Variants in TRAPPC6B observed in about 807,000 individuals in gnomAD.
TRAPPC6B encodes the protein TRAPP complex subunit 6B.
Under a neutral mutation model 24.7 loss-of-function variants are expected in TRAPPC6B, and 27 were observed. That is an observed-to-expected ratio of 1.09 (90% CI 0.81 to 1.51). The LOEUF (loss-of-function observed/expected upper bound fraction) is 1.51. TRAPPC6B is among the 40% of genes most tolerant of loss of function. TRAPPC6B has a pLI of 0.00. For missense variants in TRAPPC6B, 212 were observed against 190.8 expected (o/e 1.11, Z -0.66); for synonymous variants, 80 against 66.6 (o/e 1.20, Z -0.98).
chr14:39,154,108 C>T, intron 4 of TRAPPC6B, 103 bp downstream of exon 4: 1 of 719,252 alleles, frequency 1.4e-6, no homozygotes, highest in Non-Finnish European at 2.3e-6. Context: ...AAAAGAACAC[C>T]TTAAAACATA....
chr14:39,170,320 C>T lies in TRAPPC6B; in HGVS notation c.-225G>A. 1 of 561,086 alleles carries T rather than the reference C, an allele frequency of 1.8e-6. No homozygotes were observed. Among genetic ancestry groups the T allele is most frequent in the Admixed American group, 3.5e-5 (1 of 28,618 alleles). The allele number at this position is 561,086 out of a possible 1,614,324, so 34.8% of individuals were successfully genotyped here. On this transcript the variant is annotated 5_prime_UTR_variant, in exon 1 of 6. Coordinates refer to ENST00000330149, the MANE Select transcript of TRAPPC6B (RefSeq NM_001079537.2). ...ACTTCGGGGCTACCAAATCCTAGGGCCGAACTAAAGTCTGACGGGAGCTCT... is the reference window on the plus strand; with the variant it reads ...ACTTCGGGGCTACCAAATCCTAGGGTCGAACTAAAGTCTGACGGGAGCTCT...
intron 1 of TRAPPC6B, among the ~76,000 whole-genome samples, chr14:39,162,951 T>C (rs1288573528): frequency 5.6e-5 from 8 of 143,966 alleles, no homozygotes; most frequent in South Asian, 2.1e-4. Context: ...TTCCTCCAGA[T>C]AGTCACACAA....
At chr14:39,164,697 C>A (rs1254562951) in intron 1 of TRAPPC6B, among the ~76,000 whole-genome samples, 1 of 151,966 alleles carries the variant, frequency 6.6e-6, no homozygotes, top group Non-Finnish European at 1.5e-5. Context: ...ATTAGGTGAA[C>A]ATGGTGGCAT....
chr14:39,167,461 C>T (rs1397288302), intron 1 of TRAPPC6B, among the ~76,000 whole-genome samples: 1 of 152,022 alleles, frequency 6.6e-6, no homozygotes, highest in Non-Finnish European at 1.5e-5. Flanking sequence ...TTTTATAGGT[C>T]TTTTCAGACA....
chr14:39,158,452 A>C (rs1358526585), intron 2 of TRAPPC6B, 50 bp from the exon 3 acceptor site: 2 of 1,035,830 alleles, frequency 1.9e-6, no homozygotes, highest in Non-Finnish European at 2.9e-6. Flanking sequence ...CAAAAAAAGC[A>C]AGAGGGACTA....
Position 39,148,870 on chromosome 14 carries a change from T to C in TRAPPC6B, c.*1480A>G, listed in dbSNP as rs1023612175. 3 of 397,274 alleles carry C rather than the reference T, an allele frequency of 7.6e-6. No individual in the cohort carries two copies. Among genetic ancestry groups the C allele is most frequent in the African/African-American group, 4.1e-5 (2 of 48,618 alleles). The allele number at this position is 397,274 out of a possible 1,614,324, so 24.6% of individuals were successfully genotyped here. On this transcript the variant is annotated 3_prime_UTR_variant, in exon 6 of 6. Transcript: ENST00000330149. ...CAAACCTAGATGGTATGATCTACTA[T>C]ACACCTAAGCTATGGCCTATTGCTC...
chr14:39,151,776 C>T lies in TRAPPC6B; in HGVS notation c.415G>A (p.Val139Ile). ...GLSNLGIKSI[V>I]TAEVSSMPAC... ...GGCATTGAAGACACTTCAGCTGTTA[C>T]AATACTTTTTATTCCCAAGTTTGAT... The change falls in exon 5 of 6, where the codon GTA becomes ATA. Residue 139 changes from valine (V) to isoleucine (I), a missense_variant. Val to Ile is a conservative substitution (Grantham distance 29, BLOSUM62 3). Transcript: ENST00000330149. 1 of 1,607,804 alleles carries T rather than the reference C, an allele frequency of 6.2e-7. No individual in the cohort carries two copies. Among genetic ancestry groups the T allele is most frequent in the Non-Finnish European group, 8.5e-7 (1 of 1,177,976 alleles).
intron 1 of TRAPPC6B, among the ~76,000 whole-genome samples, chr14:39,162,714 T>C (rs1292494178): frequency 3.3e-5 from 5 of 152,218 alleles, no homozygotes; most frequent in Non-Finnish European, 7.3e-5. Flanking sequence ...ATTATCACAC[T>C]TTGCCTTAAA....
At chr14:39,157,123 A>AAAG (rs1566547619) in intron 3 of TRAPPC6B, 7 of 129,972 alleles carry the variant, frequency 5.4e-5, no homozygotes, top group South Asian at 3.1e-4. Flanking sequence ...AAAAAAAAAA[A>AAAG]AAAGAAAGAA....
In TRAPPC6B at chr14:39,149,319, A is replaced by T. The variant is rs930851620; in HGVS notation, c.*1031T>A. On this transcript the variant is annotated 3_prime_UTR_variant, in exon 6 of 6. Transcript: ENST00000330149. ...GTGTGTCAGTCACCCCCTGCTGCAGAGTTCCCTGTCACACAAATACATGCA... is the reference window on the plus strand; with the variant it reads ...GTGTGTCAGTCACCCCCTGCTGCAGTGTTCCCTGTCACACAAATACATGCA... The T allele has an allele frequency of 2.0e-5, 3 of 152,244 alleles. No individual in the cohort carries two copies. The highest frequency in any genetic ancestry group is 3.2e-3 in the Middle Eastern group (1 of 316). 9.4% of individuals were successfully genotyped at this position (152,244 alleles called of 1,614,324 possible). A position where few individuals can be genotyped will look rare whatever the true frequency, so the allele number is the denominator to read the frequency against.
At chr14:39,159,412 C>A (rs1470773124) in intron 2 of TRAPPC6B, 71 bp downstream of exon 2, 4 of 1,017,948 alleles carry the variant, frequency 3.9e-6, no homozygotes, top group Non-Finnish European at 4.2e-6. Flanking sequence ...AAGTTTTATG[C>A]AATCTTTTGA....
intron 1 of TRAPPC6B, among the ~76,000 whole-genome samples, chr14:39,166,246 C>T (rs1380568789): frequency 7.1e-6 from 1 of 141,826 alleles, no homozygotes; most frequent in Non-Finnish European, 1.5e-5. Flanking sequence ...AACCCAGAGA[C>T]TTGTCTCTTA....
At chr14:39,161,941 T>C (rs1473534440) in intron 1 of TRAPPC6B, among the ~76,000 whole-genome samples, 1 of 152,108 alleles carries the variant, frequency 6.6e-6, no homozygotes, top group Non-Finnish European at 1.5e-5. Flanking sequence ...ACCAGACCGG[T>C]AGAGGGGACA....
At position 39,170,323 on chromosome 14, in the gene TRAPPC6B, A is replaced by G. The variant is rs2053156423; in HGVS notation, c.-228T>C. ...TCGGGGCTACCAAATCCTAGGGCCG[A>G]ACTAAAGTCTGACGGGAGCTCTAAC... On this transcript the variant is annotated 5_prime_UTR_variant, in exon 1 of 6. Coordinates refer to ENST00000330149, the MANE Select transcript of TRAPPC6B (RefSeq NM_001079537.2). 3 of 558,316 alleles carry G rather than the reference A, an allele frequency of 5.4e-6. No individual in the cohort carries two copies. The highest frequency in any genetic ancestry group is 9.4e-6 in the Non-Finnish European group (3 of 317,880). The allele number at this position is 558,316 out of a possible 1,614,324, so 34.6% of individuals were successfully genotyped here.
intron 1 of TRAPPC6B, among the ~76,000 whole-genome samples, chr14:39,160,004 G>A (rs911933257): frequency 1.3e-5 from 2 of 151,944 alleles, no homozygotes; most frequent in African/African-American, 4.8e-5. Context: ...TGTATTTTTA[G>A]TAGAGAAAAT....
rs2052890773 is a variant in TRAPPC6B, at chr14:39,149,519, T to C, written c.*831A>G. 2 of 152,156 alleles carry C rather than the reference T, an allele frequency of 1.3e-5. No homozygotes were observed. The highest frequency in any genetic ancestry group is 1.5e-5 in the Non-Finnish European group (1 of 68,022). 9.4% of individuals were successfully genotyped at this position (152,156 alleles called of 1,614,324 possible). On this transcript the variant is annotated 3_prime_UTR_variant, in exon 6 of 6. Coordinates refer to ENST00000330149, the MANE Select transcript of TRAPPC6B (RefSeq NM_001079537.2). The stretch of plus-strand genomic sequence containing the variant: ...CACTGACCCCAAACCACTAAGATGA[T>C]ATGGTCCAAAGAATGTCAGAATGAC...
chr14:39,168,133 T>C (rs145651623), intron 1 of TRAPPC6B, among the ~76,000 whole-genome samples: 5,276 of 151,302 alleles, frequency 0.035, 146 homozygotes, highest in Non-Finnish European at 0.056. Context: ...GGAGAATCGC[T>C]TGAACCCAAG....
At chr14:39,151,866 TAGTA>T in intron 4 of TRAPPC6B, 27 bp from the exon 5 acceptor site, 1 of 1,468,120 alleles carries the variant, frequency 6.8e-7, no homozygotes, top group Non-Finnish European at 9.4e-7. Context: ...TCATTAAAAA[TAGTA>T]AGGATTTACT....
At chr14:39,164,307 A>T (rs372519482) in intron 1 of TRAPPC6B, among the ~76,000 whole-genome samples, 5 of 152,294 alleles carry the variant, frequency 3.3e-5, no homozygotes, top group African/African-American at 1.2e-4. Flanking sequence ...CTTTACCGAC[A>T]CGGAAAAACC....
Sources: allele counts gnomAD v4.1 joint callset (sites outside exome capture counted in the v4.1 genomes callset), GRCh38; gene constraint gnomAD v4.1.1; transcripts MANE v1.5; gene names NCBI Gene and HGNC (gene_info 2026-07-23, HGNC 2026-07-21).